The following DACH2 variants were observed in gnomAD, a reference collection of about 807,000 sequenced individuals.
DACH2 encodes dachshund homolog 2.
DACH2 carries 17 observed loss-of-function variants against 35.8 expected under a neutral mutation model. The observed-to-expected ratio is 0.48, with a 90% CI of 0.33 to 0.71. The LOEUF (loss-of-function observed/expected upper bound fraction) is 0.71, where lower values mean the gene tolerates loss of function less well. DACH2 is among the 30% of genes least tolerant of loss of function. The pLI, the probability that DACH2 is intolerant of heterozygous loss-of-function variation, is 0.02. For missense variants in DACH2, 469 were observed against 472.7 expected (o/e 0.99, Z 0.07); for synonymous variants, 195 against 177.3 (o/e 1.10, Z -0.79).
intron 7 of DACH2, among the ~76,000 whole-genome samples, chrX:86,812,299 AAAG>A (rs1171850698): frequency 9.0e-6 from 1 of 111,605 alleles, no homozygotes; most frequent in Non-Finnish European, 1.9e-5. Flanking sequence ...CTGAGGTGGG[AAAG>A]AAGATTAACT....
At chrX:86,220,591 T>C (rs1386046889) in intron 1 of DACH2, among the ~76,000 whole-genome samples, 1 of 112,372 alleles carries the variant, frequency 8.9e-6, no homozygotes, top group African/African-American at 3.2e-5. Flanking sequence ...ATTGTATGTG[T>C]ATACCACATT....
In DACH2 at chrX:86,339,142, G is replaced by A. The variant is rs1004998869; in HGVS notation, c.489-37682G>A. On this transcript the variant is annotated intron_variant, in intron 1 of 11. Transcript: ENST00000373125. ...AGCTGAATTCTACCAGAGGTACAAA[G>A]AGGAGTTGGTACCCCGCCTTCTGAA... Among the ~76,000 whole-genome samples, 45 of 111,601 alleles carry A rather than the reference G, an allele frequency of 4.0e-4. 1 individual carries two copies. The highest frequency in any genetic ancestry group is 2.9e-4 in the Admixed American group (3 of 10,480).
At chrX:86,398,165 T>C (rs1469942208) in intron 2 of DACH2, among the ~76,000 whole-genome samples, 3 of 112,092 alleles carry the variant, frequency 2.7e-5, no homozygotes, top group Non-Finnish European at 5.6e-5. Context: ...GATTTTCTAG[T>C]TTATTTGTGT....
intron 1 of DACH2, among the ~76,000 whole-genome samples, chrX:86,243,919 T>C (rs6623598): frequency 0.018 from 2,001 of 111,545 alleles, 45 homozygotes; most frequent in African/African-American, 0.059. Flanking sequence ...CATTAGGAAA[T>C]TGGCAGTATT....
At chrX:86,619,349 C>A (rs1243610506) in intron 3 of DACH2, among the ~76,000 whole-genome samples, 2 of 111,486 alleles carry the variant, frequency 1.8e-5, no homozygotes, top group Non-Finnish European at 3.8e-5. Context: ...TTCTTTCTTG[C>A]AACTAAAAAA....
At chrX:86,801,147 A>G in intron 7 of DACH2, among the ~76,000 whole-genome samples, 1 of 111,518 alleles carries the variant, frequency 9.0e-6, no homozygotes, top group Non-Finnish European at 1.9e-5. Flanking sequence ...AAATTATGGT[A>G]TCAAACTCAT....
At chrX:86,446,121 A>G (rs2037269727) in intron 2 of DACH2, among the ~76,000 whole-genome samples, 1 of 110,356 alleles carries the variant, frequency 9.1e-6, no homozygotes, top group Non-Finnish European at 1.9e-5. Flanking sequence ...TTGTCTCTGT[A>G]TGGTTTTCAT....
intron 3 of DACH2, among the ~76,000 whole-genome samples, chrX:86,626,261 T>C (rs758818025): frequency 8.9e-6 from 1 of 112,570 alleles, no homozygotes; most frequent in Non-Finnish European, 1.9e-5. Flanking sequence ...TCTTAAATGA[T>C]CTCCTTTGAC....
intron 4 of DACH2, among the ~76,000 whole-genome samples, chrX:86,682,868 T>C (rs2040897561): frequency 9.0e-6 from 1 of 111,589 alleles, no homozygotes; most frequent in African/African-American, 3.3e-5. Flanking sequence ...TTCCTTATCC[T>C]TTTTTTCCAT....
rs1379954068 is a variant in DACH2, at chrX:86,445,875, C to T, written c.528-68404C>T. 8.1e-5 allele frequency among the ~76,000 whole-genome samples: 9 copies of T among 111,241 alleles called. No homozygotes were observed. In the South Asian group the frequency reaches 1.5e-3, roughly 19 times the overall value. ...AATTTCATTTAGGTCCATTTGGATTCGAATGCTGATTAAAAACAATGTTTC... is the reference window on the plus strand; with the variant it reads ...AATTTCATTTAGGTCCATTTGGATTTGAATGCTGATTAAAAACAATGTTTC... On this transcript the variant is annotated intron_variant, in intron 2 of 11. Coordinates refer to ENST00000373125, the MANE Select transcript of DACH2 (RefSeq NM_053281.3).
intron 4 of DACH2, among the ~76,000 whole-genome samples, chrX:86,661,104 G>C (rs1296122675): frequency 9.0e-6 from 1 of 111,554 alleles, no homozygotes; most frequent in Non-Finnish European, 1.9e-5. Flanking sequence ...GGAAAGGTTT[G>C]GACGTTCTGT....
chrX:86,786,121 T>C (rs1399016303), intron 7 of DACH2, among the ~76,000 whole-genome samples: 1 of 111,388 alleles, frequency 9.0e-6, no homozygotes, highest in Non-Finnish European at 1.9e-5. Context: ...ACCCCCACTA[T>C]ATATACTCTG....
intron 7 of DACH2, among the ~76,000 whole-genome samples, chrX:86,746,098 A>T (rs1426929333): frequency 9.0e-6 from 1 of 111,530 alleles, no homozygotes; most frequent in Non-Finnish European, 1.9e-5. Context: ...TTATTTTTTA[A>T]GGTAGAATAT....
intron 3 of DACH2, among the ~76,000 whole-genome samples, chrX:86,541,591 T>G (rs2038882022): frequency 9.0e-6 from 1 of 111,598 alleles, no homozygotes; most frequent in Non-Finnish European, 1.9e-5. Context: ...AAGAAAAACA[T>G]ATCTGATTTT....
intron 2 of DACH2, among the ~76,000 whole-genome samples, chrX:86,456,105 C>T (rs1455236080): frequency 1.8e-5 from 2 of 112,176 alleles, no homozygotes; most frequent in Non-Finnish European, 3.8e-5. Context: ...CCATGCCACT[C>T]GTGGTTGGGC....
At chrX:86,160,673 G>C in intron 1 of DACH2, 1 of 496,765 alleles carries the variant, frequency 2.0e-6, no homozygotes, top group South Asian at 2.9e-5. Flanking sequence ...ATCCTTGACA[G>C]ACACATTCTT....
At chrX:86,526,316 G>T (rs1157282322) in intron 3 of DACH2, among the ~76,000 whole-genome samples, 1 of 111,547 alleles carries the variant, frequency 9.0e-6, no homozygotes, top group Non-Finnish European at 1.9e-5. Flanking sequence ...GACCAAAAAT[G>T]AGTAACAAAA....
chrX:86,424,526 G>T (rs1358014581), intron 2 of DACH2, among the ~76,000 whole-genome samples: 1 of 111,066 alleles, frequency 9.0e-6, no homozygotes, highest in African/African-American at 3.3e-5. Context: ...GAATGTTGAG[G>T]CTGTATCCTG....
At chrX:86,517,825 T>C (rs1033958014) in intron 3 of DACH2, among the ~76,000 whole-genome samples, 3 of 111,659 alleles carry the variant, frequency 2.7e-5, no homozygotes, top group Non-Finnish European at 3.8e-5. Flanking sequence ...TTTGCAAATA[T>C]TTTTTTTCCA....
Sources: allele counts gnomAD v4.1 joint callset (sites outside exome capture counted in the v4.1 genomes callset), GRCh38; gene constraint gnomAD v4.1.1; transcripts MANE v1.5; gene names NCBI Gene and HGNC (gene_info 2026-07-23, HGNC 2026-07-21).